The following ZNF608 variants were observed in gnomAD, a reference collection of about 807,000 sequenced individuals.
ZNF608 encodes zinc finger protein 608.
In ZNF608, 12 loss-of-function variants were observed where a neutral mutation model predicts 109.0. That is an observed-to-expected ratio of 0.11 (90% CI 0.07 to 0.18). ZNF608 has a LOEUF of 0.18. ZNF608 is among the 10% of genes least tolerant of loss of function. The probability of loss-of-function intolerance (pLI) is 1.00; values close to 1 mark genes in which losing one functional copy is unlikely to be tolerated. For synonymous variants in ZNF608, 732 were observed against 717.4 expected (o/e 1.02, Z -0.33); for missense variants, 1,707 against 1,879.3 (o/e 0.91, Z 1.70).
At chr5:124,700,582 T>C (rs1353116572) in intron 3 of ZNF608, among the ~76,000 whole-genome samples, 1 of 152,244 alleles carries the variant, frequency 6.6e-6, no homozygotes, top group South Asian at 2.1e-4. Flanking sequence ...TGATCCTCAC[T>C]ATGTGCAAGA....
chr5:124,642,505 G>A (rs552291663), intron 7 of ZNF608, among the ~76,000 whole-genome samples: 3 of 152,166 alleles, frequency 2.0e-5, no homozygotes, highest in South Asian at 2.1e-4. Context: ...AATATGAAGG[G>A]TCAATACAAG....
At chr5:124,701,758 G>C (rs555892448) in intron 2 of ZNF608, among the ~76,000 whole-genome samples, 1 of 152,274 alleles carries the variant, frequency 6.6e-6, no homozygotes, top group South Asian at 2.1e-4. Context: ...TATTAGCTTT[G>C]CTGAATATAT....
chr5:124,687,493 A>C (rs938517282), intron 3 of ZNF608, among the ~76,000 whole-genome samples: 1 of 152,214 alleles, frequency 6.6e-6, no homozygotes, highest in African/African-American at 2.4e-5. Context: ...TATAATGTGT[A>C]TGTATATAAT....
intron 6 of ZNF608, 74 bp downstream of exon 6, chr5:124,644,170 A>G (rs1417422299): frequency 2.2e-6 from 3 of 1,340,430 alleles, no homozygotes; most frequent in South Asian, 1.6e-5. Flanking sequence ...CTTCTAATTT[A>G]TCTTGAGTTT....
intron 3 of ZNF608, among the ~76,000 whole-genome samples, chr5:124,652,617 C>A (rs927166717): frequency 1.3e-5 from 2 of 152,212 alleles, no homozygotes; most frequent in Admixed American, 1.3e-4. Flanking sequence ...CTCATATAAA[C>A]TACACAGTGT....
intron 2 of ZNF608, chr5:124,707,773 G>A (rs1460552761): frequency 6.6e-6 from 1 of 152,188 alleles, no homozygotes; most frequent in South Asian, 2.1e-4. Flanking sequence ...AGCAGGGGAA[G>A]CTTTAAAAAC....
intron 3 of ZNF608, among the ~76,000 whole-genome samples, chr5:124,661,544 T>C (rs945190544): frequency 2.0e-5 from 3 of 151,248 alleles, no homozygotes; most frequent in African/African-American, 7.3e-5. Flanking sequence ...AGAGACCAGC[T>C]CTTTTCTGTA....
intron 3 of ZNF608, among the ~76,000 whole-genome samples, chr5:124,655,169 A>G (rs1251681776): frequency 6.6e-6 from 1 of 152,204 alleles, no homozygotes; most frequent in African/African-American, 2.4e-5. Flanking sequence ...ATCTCCCACT[A>G]GTTTTATAGA....
chr5:124,665,383 A>G (rs1181424121), intron 3 of ZNF608, among the ~76,000 whole-genome samples: 1 of 152,222 alleles, frequency 6.6e-6, no homozygotes, highest in Non-Finnish European at 1.5e-5. Flanking sequence ...CCATGCTTCA[A>G]TCACATGAAA....
chr5:124,704,676 C>A (rs1176430488), intron 2 of ZNF608, among the ~76,000 whole-genome samples: 1 of 151,968 alleles, frequency 6.6e-6, no homozygotes, highest in African/African-American at 2.4e-5. Context: ...TCTCCTGGGC[C>A]CACATTCCTC....
chr5:124,657,752 C>T (rs570029745), intron 3 of ZNF608, among the ~76,000 whole-genome samples: 1 of 152,220 alleles, frequency 6.6e-6, no homozygotes, highest in East Asian at 1.9e-4. Flanking sequence ...ACATGCTTTA[C>T]TTCTTTTAAA....
rs531211722 is a variant in ZNF608, at chr5:124,668,501, A to G, written c.1163-18804T>C. Among the ~76,000 whole-genome samples the G allele has an allele frequency of 4.6e-5, 7 of 152,134 alleles. No homozygotes were observed. In the East Asian group the frequency reaches 1.4e-3, roughly 29 times the overall value. ...AGGAAACTAGGGCCCAGAGAGGTTA[A>G]ATGGCTAGTCCTGGGCCCTAAAACT... On this transcript the variant is annotated intron_variant, in intron 3 of 9. Coordinates refer to ENST00000513986, the MANE Select transcript of ZNF608 (RefSeq NM_020747.3).
chr5:124,665,288 C>T (rs1580575142), intron 3 of ZNF608, among the ~76,000 whole-genome samples: 1 of 152,122 alleles, frequency 6.6e-6, no homozygotes, highest in African/African-American at 2.4e-5. Flanking sequence ...CAAATCAGGG[C>T]TCTCTCCCTG....
chr5:124,716,277 C>T (rs555520414), intron 2 of ZNF608, among the ~76,000 whole-genome samples: 188 of 151,328 alleles, frequency 1.2e-3, no homozygotes, highest in African/African-American at 3.1e-3. Context: ...TTTTCCATAG[C>T]ACATTAAAAT....
At chr5:124,652,105 C>G (rs1313595754) in intron 3 of ZNF608, among the ~76,000 whole-genome samples, 1 of 152,228 alleles carries the variant, frequency 6.6e-6, no homozygotes, top group Non-Finnish European at 1.5e-5. Flanking sequence ...AGGAAGGGAC[C>G]CAGGGCAGGC....
upstream of ZNF608, chr5:124,746,769 T>G (rs572330587): frequency 1.0e-6 from 1 of 984,820 alleles, no homozygotes; most frequent in South Asian, 4.7e-5. Flanking sequence ...TCCTGACAGA[T>G]TTGATTTCTT....
intron 5 of ZNF608, among the ~76,000 whole-genome samples, chr5:124,646,383 G>T (rs1750508619): frequency 6.6e-6 from 1 of 152,064 alleles, no homozygotes; most frequent in Non-Finnish European, 1.5e-5. Context: ...TTTAAAAAAA[G>T]AAATTAATGG....
At chr5:124,681,050 G>A (rs1022174571) in intron 3 of ZNF608, among the ~76,000 whole-genome samples, 20 of 152,164 alleles carry the variant, frequency 1.3e-4, no homozygotes, top group African/African-American at 4.6e-4. Context: ...GAAAGAGAGA[G>A]CATGGAAATG....
Position 124,647,857 on chromosome 5 carries a change from T to C in ZNF608, c.2527A>G (p.Lys843Glu). The stretch of plus-strand genomic sequence containing the variant: ...CCAGGTAAATCTTTGCTGGCCCCCT[T>C]GGAGTCCTCTAGTTTCCCCAGCTTG... ...DAKLGKLEDS[K>E]GASKDLPGHF... Residue 843 changes from lysine to glutamate, a missense_variant, in exon 5 of 10, where the codon AAG becomes GAG. Lys to Glu is a moderately conservative substitution (Grantham distance 56). Around this residue, in one of 7 missense-constraint regions of ZNF608, gnomAD observed 1,073 missense variants for 1,133.5 expected, o/e 0.95. Coordinates refer to ENST00000513986, the MANE Select transcript of ZNF608 (RefSeq NM_020747.3). 2 of 1,614,236 alleles carry C rather than the reference T, an allele frequency of 1.2e-6. No homozygotes were observed. The highest frequency in any genetic ancestry group is 1.1e-5 in the South Asian group (1 of 91,088).
Sources: allele counts gnomAD v4.1 joint callset (sites outside exome capture counted in the v4.1 genomes callset), GRCh38; gene constraint gnomAD v4.1.1; regional missense constraint gnomAD v4.1.1; transcripts MANE v1.5; gene names NCBI Gene and HGNC (gene_info 2026-07-23, HGNC 2026-07-21).